TRIO: variants seen among roughly 807,000 people sequenced by gnomAD.
The protein encoded by TRIO is triple functional domain protein.
In TRIO, 58 loss-of-function variants were observed where a neutral mutation model predicts 351.9. The ratio of observed to expected loss-of-function variants is 0.16; its 90% CI spans 0.13 to 0.21. TRIO has a LOEUF of 0.21. Ranked by LOEUF, TRIO falls within the 10% of genes least tolerant of loss-of-function variation. The pLI, the probability that TRIO is intolerant of heterozygous loss-of-function variation, is 1.00. For missense variants in TRIO, 3,201 were observed against 4,027.8 expected, an observed-to-expected ratio of 0.79 and a Z score of 5.56; for synonymous variants, 1,758 against 1,595.7, an observed-to-expected ratio of 1.10 and a Z score of -2.42.
At chr5:14,172,199 A>T (rs1260677322) in intron 1 of TRIO, among the ~76,000 whole-genome samples, 1 of 152,240 alleles carries the variant, frequency 6.6e-6, no homozygotes, top group African/African-American at 2.4e-5. Context: ...AAGATTGTGC[A>T]TATTTTTGTT....
intron 1 of TRIO, among the ~76,000 whole-genome samples, chr5:14,193,855 T>C (rs1376137623): frequency 1.3e-5 from 2 of 151,858 alleles, no homozygotes; most frequent in Non-Finnish European, 2.9e-5. Flanking sequence ...ATGATGAGGA[T>C]GCTGACCTTA....
chr5:14,251,583 C>G (rs1338867096), intron 1 of TRIO, among the ~76,000 whole-genome samples: 1 of 152,222 alleles, frequency 6.6e-6, no homozygotes, highest in Admixed American at 6.5e-5. Flanking sequence ...GGCTGGGCAG[C>G]CTCTTTGAAA....
intron 18 of TRIO, among the ~76,000 whole-genome samples, chr5:14,373,459 T>G (rs1275488054): frequency 1.3e-5 from 2 of 152,090 alleles, no homozygotes; most frequent in African/African-American, 4.8e-5. Context: ...AAAGATTAAT[T>G]CCAGACCCAA....
In TRIO at chr5:14,143,684, G is replaced by C. The variant is rs1458447673; in HGVS notation, c.-42G>C. On this transcript the variant is annotated 5_prime_UTR_variant, in exon 1 of 57. Transcript: ENST00000344204. ...GCGGGCGGCACGCGGCGCTAGGGGC[G>C]CGGGGCCCGAGGCGGGCGCGGCCGC... 1 of 959,658 alleles carries C rather than the reference G, an allele frequency of 1.0e-6. No individual in the cohort carries two copies. The highest frequency in any genetic ancestry group is 6.4e-5 in the Admixed American group (1 of 15,650). 59.4% of individuals were successfully genotyped at this position (959,658 alleles called of 1,614,324 possible). A position where few individuals can be genotyped will look rare whatever the true frequency, so the allele number is the denominator to read the frequency against.
chr5:14,452,046 C>T (rs1161766215), intron 34 of TRIO, among the ~76,000 whole-genome samples: 1 of 152,248 alleles, frequency 6.6e-6, no homozygotes, highest in Non-Finnish European at 1.5e-5. Flanking sequence ...CCTGTCTCAT[C>T]GGAAACGCCC....
chr5:14,235,849 G>A (rs1198469180), intron 1 of TRIO, among the ~76,000 whole-genome samples: 2 of 151,934 alleles, frequency 1.3e-5, no homozygotes, highest in Admixed American at 1.3e-4. Flanking sequence ...TTTTATTAGA[G>A]TTGGGGTCTC....
intron 1 of TRIO, among the ~76,000 whole-genome samples, chr5:14,242,515 C>G (rs534445241): frequency 6.6e-6 from 1 of 152,298 alleles, no homozygotes; most frequent in Non-Finnish European, 1.5e-5. Flanking sequence ...TAAAGGAGTT[C>G]TGGTTTTGTA....
At chr5:14,309,785 A>G (rs1738749891) in intron 8 of TRIO, among the ~76,000 whole-genome samples, 1 of 152,190 alleles carries the variant, frequency 6.6e-6, no homozygotes, top group Non-Finnish European at 1.5e-5. Context: ...AGTACTTATA[A>G]GCAGGGCTTG....
intron 40 of TRIO, among the ~76,000 whole-genome samples, chr5:14,475,049 C>T (rs1448218911): frequency 6.6e-6 from 1 of 152,202 alleles, no homozygotes; most frequent in Non-Finnish European, 1.5e-5. Context: ...ATTCCCCACA[C>T]CTATCCTAAT....
chr5:14,241,361 C>A (rs1250638192), intron 1 of TRIO, among the ~76,000 whole-genome samples: 3 of 152,114 alleles, frequency 2.0e-5, no homozygotes, highest in Non-Finnish European at 4.4e-5. Flanking sequence ...ATGGGTTAGG[C>A]AGAAGCTTCT....
At chr5:14,217,337 A>G (rs1343950239) in intron 1 of TRIO, among the ~76,000 whole-genome samples, 1 of 152,116 alleles carries the variant, frequency 6.6e-6, no homozygotes, top group Non-Finnish European at 1.5e-5. Context: ...AGGAAATGCT[A>G]TCCCTACACC....
chr5:14,160,632 A>G (rs1330987587), intron 1 of TRIO, among the ~76,000 whole-genome samples: 1 of 152,368 alleles, frequency 6.6e-6, no homozygotes, highest in South Asian at 2.1e-4. Context: ...AAGATGATCA[A>G]CTAGCTCAAG....
At chr5:14,396,726 T>A (rs1294319060) in intron 28 of TRIO, among the ~76,000 whole-genome samples, 1 of 151,818 alleles carries the variant, frequency 6.6e-6, no homozygotes, top group African/African-American at 2.4e-5. Context: ...CACCTCAGCC[T>A]CCCGAAGTGC....
chr5:14,223,392 C>A (rs1008905677), intron 1 of TRIO, among the ~76,000 whole-genome samples: 2 of 152,168 alleles, frequency 1.3e-5, no homozygotes, highest in African/African-American at 2.4e-5. Context: ...CAGATCTCAG[C>A]GTGCACTTTG....
At chr5:14,183,719 CT>C (rs1255166983) in intron 1 of TRIO, 2 of 421,712 alleles carry the variant, frequency 4.7e-6, no homozygotes, top group Admixed American at 7.4e-5. Context: ...ACTTTCTGTG[CT>C]GTTTCTGCCC....
At chr5:14,206,083 A>G (rs1257972244) in intron 1 of TRIO, among the ~76,000 whole-genome samples, 2 of 151,618 alleles carry the variant, frequency 1.3e-5, no homozygotes, top group African/African-American at 4.9e-5. Context: ...TATTTTTGAG[A>G]TGGTTTCTCA....
chr5:14,214,392 A>T (rs1313118807), intron 1 of TRIO, among the ~76,000 whole-genome samples: 4 of 152,170 alleles, frequency 2.6e-5, no homozygotes, highest in African/African-American at 9.7e-5. Flanking sequence ...AGACTCACAG[A>T]TGTTTGACCA....
chr5:14,427,927 A>C (rs1750785237), intron 34 of TRIO, among the ~76,000 whole-genome samples: 1 of 152,040 alleles, frequency 6.6e-6, no homozygotes, highest in Admixed American at 6.6e-5. Context: ...ACCACCCAAA[A>C]ACTCCAGCTT....
chr5:14,425,984 C>T (rs1750608016), intron 34 of TRIO, among the ~76,000 whole-genome samples: 1 of 152,194 alleles, frequency 6.6e-6, no homozygotes, highest in African/African-American at 2.4e-5. Flanking sequence ...TTTGAGGCTG[C>T]CCACTCAGTT....
Sources: allele counts gnomAD v4.1 joint callset (sites outside exome capture counted in the v4.1 genomes callset), GRCh38; gene constraint gnomAD v4.1.1; transcripts MANE v1.5; gene names NCBI Gene and HGNC (gene_info 2026-07-23, HGNC 2026-07-21).